The following INTS2 variants were observed in gnomAD, a reference collection of about 807,000 sequenced individuals.
INTS2 encodes KIAA1287.
A neutral mutation model predicts 139.6 loss-of-function variants in INTS2; 57 were observed. The ratio of observed to expected loss-of-function variants is 0.41; its 90% CI spans 0.33 to 0.51. The LOEUF (loss-of-function observed/expected upper bound fraction) is 0.51, where lower values mean the gene tolerates loss of function less well. Among genes scored for constraint, INTS2 ranks in the 20% least tolerant of loss-of-function variants. INTS2 has a pLI of 0.28. For missense variants in INTS2, 1,196 were observed against 1,436.7 expected (o/e 0.83, Z 2.71); for synonymous variants, 473 against 493.4 (o/e 0.96, Z 0.55).
At chr17:61,915,585 G>A (rs543634023) in intron 5 of INTS2, among the ~76,000 whole-genome samples, 7 of 149,024 alleles carry the variant, frequency 4.7e-5, no homozygotes, top group East Asian at 4.0e-4. Context: ...TTGGGAGGCC[G>A]AGAAGGGTGG....
intron 13 of INTS2, 61 bp from the exon 14 acceptor site, chr17:61,891,750 T>C (rs910677614): frequency 8.6e-5 from 105 of 1,226,132 alleles, no homozygotes; most frequent in Non-Finnish European, 1.2e-4. Context: ...CAAGCAAAAT[T>C]ATAAAAGTAC....
intron 5 of INTS2, among the ~76,000 whole-genome samples, chr17:61,918,294 GT>G (rs2079603440): frequency 1.3e-5 from 2 of 152,180 alleles, no homozygotes; most frequent in Non-Finnish European, 2.9e-5. Flanking sequence ...CCAGGCTGGA[GT>G]GCAGTGGCAC....
chr17:61,890,282 T>C (rs560110811), intron 14 of INTS2, among the ~76,000 whole-genome samples: 6 of 152,284 alleles, frequency 3.9e-5, no homozygotes, highest in African/African-American at 1.4e-4. Flanking sequence ...GTTTTTCCCT[T>C]CTAACAAACT....
chr17:61,911,859 A>G, intron 6 of INTS2, 81 bp downstream of exon 6: 1 of 1,501,296 alleles, frequency 6.7e-7, no homozygotes, highest in Non-Finnish European at 9.0e-7. Flanking sequence ...CCCCACCTCT[A>G]CAGGACTCTA....
chr17:61,870,206 G>C lies in INTS2; in HGVS notation c.2779-218C>G, dbSNP rs1172366717. Among the ~76,000 whole-genome samples, 1 of 152,050 alleles carries C rather than the reference G, an allele frequency of 6.6e-6. No homozygotes were observed. Among genetic ancestry groups the C allele is most frequent in the Non-Finnish European group, 1.5e-5 (1 of 67,986 alleles). Reference sequence around the variant, plus strand: ...CCCTTAAGAATCTAAAGAAAACTATGTACCCTCTCCCGATAAAAATTAACA... The same window carrying C: ...CCCTTAAGAATCTAAAGAAAACTATCTACCCTCTCCCGATAAAAATTAACA... On this transcript the variant is annotated intron_variant, in intron 20 of 24. Transcript: ENST00000251334. The surrounding 1 kb of genome is among the most constrained non-coding windows in gnomAD (Gnocchi z 4.4).
At chr17:61,925,300 G>A (rs1212456972) in intron 2 of INTS2, among the ~76,000 whole-genome samples, 1 of 152,168 alleles carries the variant, frequency 6.6e-6, no homozygotes, top group Non-Finnish European at 1.5e-5. Flanking sequence ...CACCACATAG[G>A]CCAGGCACAG....
In INTS2 at chr17:61,891,508, T is replaced by A; in HGVS notation, c.1875+5A>T. On this transcript the variant is annotated splice_donor_5th_base_variant and intron_variant, in intron 14 of 24. Transcript: ENST00000251334. The stretch of plus-strand genomic sequence containing the variant: ...TTAATAGATATAAAAGAACCACTAT[T>A]TTACCCCAATGACTCCTTGGAAAAT... 6.2e-7 allele frequency: 1 copy of A among 1,605,764 alleles called. No homozygotes were observed. The highest frequency in any genetic ancestry group is 1.7e-5 in the Admixed American group (1 of 59,178).
chr17:61,906,846 A>C (rs934155250), intron 8 of INTS2, among the ~76,000 whole-genome samples: 2 of 150,662 alleles, frequency 1.3e-5, no homozygotes, highest in African/African-American at 4.9e-5. Flanking sequence ...AAAAAAAAAA[A>C]AAATTAGCCG....
chr17:61,903,600 G>C (rs1396074186), intron 9 of INTS2, among the ~76,000 whole-genome samples: 2 of 150,030 alleles, frequency 1.3e-5, no homozygotes, highest in Non-Finnish European at 3.0e-5. Flanking sequence ...GAGGTTACAT[G>C]AATGGTACAT....
In INTS2 at chr17:61,882,388, T is replaced by G. The variant is rs574240741; in HGVS notation, c.2090-1217A>C. 1.3e-5 allele frequency among the ~76,000 whole-genome samples: 2 copies of G among 152,298 alleles called. No homozygotes were observed. Among genetic ancestry groups the G allele is most frequent in the South Asian group, 4.1e-4 (2 of 4,824 alleles). ...CCAAATCAAAGCCTTATTTATAACA[T>G]TTTACCTATACCACAGTTTGACTAT... is the stretch of plus-strand genomic sequence containing the variant. On this transcript the variant is annotated intron_variant, in intron 16 of 24. Coordinates refer to ENST00000251334, the MANE Select transcript of INTS2 (RefSeq NM_001351695.2). This position sits in a 1 kb window ranked among gnomAD's most constrained non-coding sequence, Gnocchi z 4.7.
In INTS2 at chr17:61,909,566, C is replaced by T. The variant is rs889351769; in HGVS notation, c.955-1932G>A. ...TCAACCCTCACCCCCTTCCCACCCT[C>T]CCAACATTTGGAGTCTATGATGTGT... On this transcript the variant is annotated intron_variant, in intron 7 of 24. Coordinates refer to ENST00000251334, the MANE Select transcript of INTS2 (RefSeq NM_001351695.2). The surrounding 1 kb of genome is among the most constrained non-coding windows in gnomAD (Gnocchi z 4.9). Among the ~76,000 whole-genome samples the T allele has an allele frequency of 2.4e-4, 37 of 152,032 alleles. No homozygotes were observed. The highest frequency in any genetic ancestry group is 8.7e-4 in the African/African-American group (36 of 41,406).
In INTS2 at chr17:61,875,183, G is replaced by A; in HGVS notation, c.2457-145C>T. Reference sequence around the variant, plus strand: ...GAACTTTGAAAAAATTTAAGCTACAGACATCTAACCTATTAAAATATCTCT... The same window carrying A: ...GAACTTTGAAAAAATTTAAGCTACAAACATCTAACCTATTAAAATATCTCT... On this transcript the variant is annotated intron_variant, in intron 18 of 24. Transcript: ENST00000251334. This position sits in a 1 kb window ranked among gnomAD's most constrained non-coding sequence, Gnocchi z 4.6. The A allele has an allele frequency of 1.9e-6, 1 of 515,450 alleles. No homozygotes were observed. The highest frequency in any genetic ancestry group is 3.2e-6 in the Non-Finnish European group (1 of 308,366). The allele number at this position is 515,450 out of a possible 1,614,324, so 31.9% of individuals were successfully genotyped here. A position where few individuals can be genotyped will look rare whatever the true frequency, so the allele number is the denominator to read the frequency against.
intron 17 of INTS2, among the ~76,000 whole-genome samples, 188 bp downstream of exon 17, chr17:61,880,819 A>G (rs545038302): frequency 1.0e-3 from 115 of 112,162 alleles, no homozygotes; most frequent in African/African-American, 3.7e-3. Context: ...GGGGGAAAGG[A>G]GGAAAGGGGG....
At position 61,869,608 on chromosome 17, in the gene INTS2, T is replaced by A. The variant is rs1340581814; in HGVS notation, c.3030+129A>T. 2.6e-6 allele frequency: 3 copies of A among 1,154,124 alleles called. No individual in the cohort carries two copies. The highest frequency in any genetic ancestry group is 3.1e-5 in the African/African-American group (2 of 64,534). The allele number at this position is 1,154,124 out of a possible 1,614,324, so 71.5% of individuals were successfully genotyped here. ...AAACAACTAAAAATCTGGATTTTTC[T>A]CCATATTGCAAAAGCCCATGGATCA... On this transcript the variant is annotated intron_variant, in intron 21 of 24. Coordinates refer to ENST00000251334, the MANE Select transcript of INTS2 (RefSeq NM_001351695.2). The surrounding 1 kb of genome is among the most constrained non-coding windows in gnomAD (Gnocchi z 5.4).
rs182949088 is a variant in INTS2 at position 61,909,008 on chromosome 17, T to C, written c.955-1374A>G. Reference sequence around the variant, plus strand: ...TTCACATAGTTAATATAAATTAGTTTTTGAAAAATTAAAACATTTTGCAAG... The same window carrying C: ...TTCACATAGTTAATATAAATTAGTTCTTGAAAAATTAAAACATTTTGCAAG... On this transcript the variant is annotated intron_variant, in intron 7 of 24. Coordinates refer to ENST00000251334, the MANE Select transcript of INTS2 (RefSeq NM_001351695.2). This position sits in a 1 kb window ranked among gnomAD's most constrained non-coding sequence, Gnocchi z 4.9. Among the ~76,000 whole-genome samples, 1 of 152,310 alleles carries C rather than the reference T, an allele frequency of 6.6e-6. No homozygotes were observed. Among genetic ancestry groups the C allele is most frequent in the Admixed American group, 6.5e-5 (1 of 15,296 alleles).
intron 14 of INTS2, among the ~76,000 whole-genome samples, chr17:61,890,273 T>C (rs981646380): frequency 2.0e-4 from 30 of 152,088 alleles, no homozygotes; most frequent in African/African-American, 6.8e-4. Flanking sequence ...AATGCAACTG[T>C]TTTTCCCTTC....
At chr17:61,924,892 TTCTG>T in intron 3 of INTS2, 65 bp downstream of exon 3, 1 of 1,494,814 alleles carries the variant, frequency 6.7e-7, no homozygotes, top group Non-Finnish European at 9.2e-7. Context: ...TTGTCTCTTT[TTCTG>T]TCTACCTCCC....
intron 7 of INTS2, among the ~76,000 whole-genome samples, chr17:61,908,922 T>C (rs949798424): frequency 5.9e-5 from 9 of 152,144 alleles, no homozygotes; most frequent in African/African-American, 1.9e-4. Context: ...ACATGTTGTC[T>C]AGCTAAGTGA....
chr17:61,868,437 A>G lies in INTS2; in HGVS notation c.3245-428T>C, dbSNP rs945045826. Among the ~76,000 whole-genome samples the G allele has an allele frequency of 6.6e-6, 1 of 152,150 alleles. No individual in the cohort carries two copies. The highest frequency in any genetic ancestry group is 2.4e-5 in the African/African-American group (1 of 41,450). On this transcript the variant is annotated intron_variant, in intron 23 of 24. Coordinates refer to ENST00000251334, the MANE Select transcript of INTS2 (RefSeq NM_001351695.2). This position sits in a 1 kb window ranked among gnomAD's most constrained non-coding sequence, Gnocchi z 4.7. ...ATAACAGGATATAAATACGATGAAA[A>G]GAAAAACAACAGGGTATTATGGAAA...
Sources: gnomAD v4.1 joint callset for allele counts (sites outside exome capture counted in the v4.1 genomes callset) on GRCh38, gnomAD v4.1.1 for gene constraint, Gnocchi (gnomAD v3.1) non-coding constraint, MANE v1.5 for transcripts, NCBI Gene and HGNC (gene_info 2026-07-23, HGNC 2026-07-21) for gene names.